MATR3: variants seen among roughly 807,000 people sequenced by gnomAD.
The protein encoded by MATR3 is matrin 3, also known as matrin-3.
In MATR3, 4 loss-of-function variants were observed where a neutral mutation model predicts 85.5. That is an observed-to-expected ratio of 0.05 (90% CI 0.02 to 0.11). The LOEUF (loss-of-function observed/expected upper bound fraction) is 0.11. Among genes scored for constraint, MATR3 ranks in the 10% least tolerant of loss-of-function variants. The pLI, the probability that MATR3 is intolerant of heterozygous loss-of-function variation, is 1.00. For synonymous variants in MATR3, 336 were observed against 343.1 expected, an observed-to-expected ratio of 0.98 and a Z score of 0.23; for missense variants, 685 against 1,016.1, an observed-to-expected ratio of 0.67 and a Z score of 4.43.
At chr5:139,294,146 G>T in intron 1 of MATR3, 1 of 1,034,044 alleles carries the variant, frequency 9.7e-7, no homozygotes, top group Non-Finnish European at 1.3e-6. Context: ...GCTCGTTGTG[G>T]GCGGGGGCGG....
chr5:139,317,655 G>A lies in MATR3; in HGVS notation c.1242G>A (p.Gln414=), dbSNP rs1247608394. ...AACGAGGGAAAAACTTGAGATACCA[G>A]CTATTACAGCTGGTAGAACCATTTG... ...DFQRGKNLRY[Q]LLQLVEPFGV... Residue 414 remains glutamine, a synonymous_variant, in exon 7 of 15, where the codon CAG becomes CAA. Transcript: ENST00000394805. 6.2e-7 allele frequency: 1 copy of A among 1,611,398 alleles called. No individual in the cohort carries two copies. The highest frequency in any genetic ancestry group is 1.3e-5 in the African/African-American group (1 of 74,820).
chr5:139,318,609 AT>A (rs1755378529), intron 7 of MATR3, among the ~76,000 whole-genome samples: 2 of 151,926 alleles, frequency 1.3e-5, no homozygotes, highest in African/African-American at 4.8e-5. Flanking sequence ...CGCCCAGCTA[AT>A]TTTTGTATTT....
chr5:139,278,373 T>C (rs1753377103), intron 2 of MATR3: 1 of 453,662 alleles, frequency 2.2e-6, no homozygotes, highest in Admixed American at 2.4e-5. Context: ...AGGGAGGAAA[T>C]AGTGGCAGGT....
intron 14 of MATR3, among the ~76,000 whole-genome samples, chr5:139,328,515 G>C (rs1026794436): frequency 1.3e-5 from 2 of 152,072 alleles, no homozygotes; most frequent in Non-Finnish European, 2.9e-5. Flanking sequence ...AGCTACACTC[G>C]TGGCTCAGTC....
intron 14 of MATR3, 128 bp downstream of exon 14, chr5:139,326,412 T>A: frequency 1.2e-6 from 1 of 846,118 alleles, no homozygotes; most frequent in Non-Finnish European, 1.8e-6. Flanking sequence ...TGAAGATAAC[T>A]TTTTATTTAC....
At chr5:139,323,108 T>G (rs1283434208) in intron 12 of MATR3, 141 bp downstream of exon 12, 2 of 875,452 alleles carry the variant, frequency 2.3e-6, no homozygotes, top group East Asian at 2.7e-5. Flanking sequence ...TATAAACATT[T>G]AAATCTAAAC....
chr5:139,276,996 G>C (rs1753302120), intron 2 of MATR3, among the ~76,000 whole-genome samples: 1 of 152,154 alleles, frequency 6.6e-6, no homozygotes, highest in Non-Finnish European at 1.5e-5. Context: ...ATTTGCTTTA[G>C]TTGCTTACTG....
chr5:139,322,780 C>G lies in MATR3; in HGVS notation c.1961C>G (p.Ser654Cys). The G allele has an allele frequency of 6.2e-7, 1 of 1,614,138 alleles. No homozygotes were observed. Among genetic ancestry groups the G allele is most frequent in the Non-Finnish European group, 8.5e-7 (1 of 1,180,024 alleles). ...TEQEPNMLLESEDELLVDEEE... is the reference protein window; with the variant it reads ...TEQEPNMLLECEDELLVDEEE... ...CAGGAACCTAATATGCTTCTTGAAT[C>G]TGAAGATGAGCTACTTGTAGATGAA... The change falls in exon 12 of 15, where the codon TCT (serine) becomes TGT (cysteine). Residue 654 changes from serine (S) to cysteine (C), a missense_variant. Around this residue, in one of 9 missense-constraint regions of MATR3, gnomAD observed 215 missense variants for 194.7 expected, o/e 1.10. Coordinates refer to ENST00000394805, the MANE Select transcript of MATR3 (RefSeq NM_018834.6).
At chr5:139,304,402 A>G (rs1050756471) in intron 1 of MATR3, among the ~76,000 whole-genome samples, 6 of 151,786 alleles carry the variant, frequency 4.0e-5, no homozygotes, top group African/African-American at 1.5e-4. Flanking sequence ...TGGGAGGCTG[A>G]GGCAGGAGAA....
chr5:139,280,064 A>T (rs1239456333), intron 3 of MATR3: 1 of 152,224 alleles, frequency 6.6e-6, no homozygotes, highest in Non-Finnish European at 1.5e-5. Flanking sequence ...GCCAGGTAAT[A>T]TAATATTATG....
chr5:139,285,502 A>T (rs6596469), intron 3 of MATR3, among the ~76,000 whole-genome samples: 135,899 of 152,242 alleles, frequency 0.89, 60,915 homozygotes, highest in African/African-American at 0.97. Context: ...AGACATTTTT[A>T]AAATTTTTAT....
chr5:139,275,142 A>ATTTTTTTTTTTTTTTTTTTTTTTTTTTT, intron 1 of MATR3, among the ~76,000 whole-genome samples: 1 of 40,890 alleles, frequency 2.4e-5, no homozygotes, highest in Non-Finnish European at 4.5e-5. Context: ...CGCCCGGCTA[A>ATTTTTTTTTTTTTTTTTTTTTTTTTTTT]TTTTTTTTTT....
intron 9 of MATR3, among the ~76,000 whole-genome samples, 176 bp downstream of exon 9, chr5:139,319,677 A>G (rs1755439403): frequency 1.3e-5 from 2 of 151,452 alleles, no homozygotes; most frequent in Admixed American, 6.6e-5. Context: ...GTGAAATCGT[A>G]TCTCTATTAA....
chr5:139,314,470 ATG>A, intron 2 of MATR3: 1 of 527,078 alleles, frequency 1.9e-6, no homozygotes, highest in Non-Finnish European at 3.5e-6. Flanking sequence ...TTTTCCAAGA[ATG>A]TGCATAGCGT....
At chr5:139,294,463 C>G (rs952437256) in intron 1 of MATR3, 1 of 156,164 alleles carries the variant, frequency 6.4e-6, no homozygotes, top group Non-Finnish European at 1.4e-5. Flanking sequence ...CCCTAAGACT[C>G]CCGGCCCACA....
chr5:139,284,275 A>G (rs1183474021), intron 3 of MATR3, among the ~76,000 whole-genome samples: 1 of 152,214 alleles, frequency 6.6e-6, no homozygotes, highest in Non-Finnish European at 1.5e-5. Flanking sequence ...TCCTAACAAT[A>G]TCACCTATAG....
rs775206629 is a variant in MATR3, at chr5:139,325,436, T to TAAA, written c.2149-2_2149-1insAAA. ...AAAATGATGATGGTTTGGTTGAAAT[T>TAAA]AAGGTGGACAAGATCGAGGAACTTG... On this transcript the variant is annotated splice_polypyrimidine_tract_variant and splice_region_variant and intron_variant, in intron 12 of 14. Transcript: ENST00000394805. 1.8e-5 allele frequency: 28 copies of TAAA among 1,541,970 alleles called. No individual in the cohort carries two copies. Among genetic ancestry groups the TAAA allele is most frequent in the African/African-American group, 2.7e-5 (2 of 74,196 alleles).
rs994213692 is a variant in MATR3, at chr5:139,331,069, G to A, written c.*1674G>A. The A allele has an allele frequency of 2.0e-5, 9 of 453,898 alleles. No homozygotes were observed. Among genetic ancestry groups the A allele is most frequent in the African/African-American group, 1.8e-4 (9 of 49,978 alleles). The allele number at this position is 453,898 out of a possible 1,614,324, so 28.1% of individuals were successfully genotyped here. On this transcript the variant is annotated 3_prime_UTR_variant, in exon 15 of 15. Coordinates refer to ENST00000394805, the MANE Select transcript of MATR3 (RefSeq NM_018834.6). ...GCCTCCCAAAGTGCTGGGACTGTAG[G>A]CATGAGCCACCATCCCTGGCCAAGA...
At chr5:139,319,204 G>T (rs1755412971) in intron 8 of MATR3, 130 bp from the exon 9 acceptor site, 2 of 1,273,236 alleles carry the variant, frequency 1.6e-6, no homozygotes, top group Admixed American at 3.8e-5. Flanking sequence ...AGGAGTTCCA[G>T]GCAAGCCTGG....
Sources: allele counts gnomAD v4.1 joint callset (sites outside exome capture counted in the v4.1 genomes callset), GRCh38; gene constraint gnomAD v4.1.1; regional missense constraint gnomAD v4.1.1; transcripts MANE v1.5; gene names NCBI Gene and HGNC (gene_info 2026-07-23, HGNC 2026-07-21).